The following PDGFD variants were observed in gnomAD, a reference collection of about 807,000 sequenced individuals.
The protein encoded by PDGFD is platelet derived growth factor D.
In PDGFD, 30 loss-of-function variants were observed where a neutral mutation model predicts 44.7. The ratio of observed to expected loss-of-function variants is 0.67; its 90% CI spans 0.50 to 0.91. PDGFD has a LOEUF of 0.91. Ranked by LOEUF, PDGFD falls within the 40% of genes least tolerant of loss-of-function variation. The pLI is 0.00. For missense variants in PDGFD, 445 were observed against 457.8 expected (o/e 0.97, Z 0.25); for synonymous variants, 173 against 168.4 (o/e 1.03, Z -0.21).
Position 104,164,058 on chromosome 11 carries a change from C to T in PDGFD, c.-131G>A, listed in dbSNP as rs1489999047. 9.7e-7 allele frequency: 1 copy of T among 1,028,532 alleles called. No homozygotes were observed. The highest frequency in any genetic ancestry group is 1.6e-5 in the African/African-American group (1 of 61,366). The allele number at this position is 1,028,532 out of a possible 1,614,324, so 63.7% of individuals were successfully genotyped here. A position where few individuals can be genotyped will look rare whatever the true frequency, so the allele number is the denominator to read the frequency against. ...CGCTGGCCCGGGTCGCTGTGCTAAT[C>T]GCCGAGCTCTCCCCAAACTTCCTGC... On this transcript the variant is annotated 5_prime_UTR_variant, in exon 1 of 7. Transcript: ENST00000393158.
chr11:104,163,469 G>C (rs1862417414), intron 1 of PDGFD, among the ~76,000 whole-genome samples: 2 of 152,098 alleles, frequency 1.3e-5, no homozygotes, highest in African/African-American at 2.4e-5. Flanking sequence ...CTGACCAAGG[G>C]GCGGCGCAGC....
intron 3 of PDGFD, among the ~76,000 whole-genome samples, chr11:103,965,180 A>T (rs1251037550): frequency 1.3e-5 from 2 of 152,154 alleles, no homozygotes; most frequent in South Asian, 2.1e-4. Flanking sequence ...TCTGCATTTG[A>T]CGTGAGAAGC....
intron 1 of PDGFD, among the ~76,000 whole-genome samples, chr11:104,105,737 G>A (rs556058946): frequency 6.6e-6 from 1 of 151,862 alleles, no homozygotes; most frequent in African/African-American, 2.4e-5. Flanking sequence ...GGAGATAAAG[G>A]AAACTGACAA....
chr11:103,981,564 C>A (rs1859273444), intron 3 of PDGFD, among the ~76,000 whole-genome samples: 1 of 151,712 alleles, frequency 6.6e-6, no homozygotes, highest in Non-Finnish European at 1.5e-5. Flanking sequence ...TCCCATTTTA[C>A]AAATGATGAA....
intron 5 of PDGFD, among the ~76,000 whole-genome samples, chr11:103,937,993 G>C (rs940425506): frequency 2.0e-5 from 3 of 150,942 alleles, no homozygotes; most frequent in Non-Finnish European, 4.4e-5. Flanking sequence ...TTGCTATTGT[G>C]AATAGTGCTG....
At chr11:104,008,505 C>A (rs1278276898) in intron 1 of PDGFD, among the ~76,000 whole-genome samples, 2 of 151,844 alleles carry the variant, frequency 1.3e-5, no homozygotes, top group African/African-American at 4.8e-5. Flanking sequence ...GAAAAGTGTC[C>A]CAGGCACATA....
At chr11:104,077,456 A>G (rs1860975841) in intron 1 of PDGFD, among the ~76,000 whole-genome samples, 1 of 152,200 alleles carries the variant, frequency 6.6e-6, no homozygotes, top group African/African-American at 2.4e-5. Context: ...TCTCCTCAAA[A>G]AGAACAGCAG....
intron 1 of PDGFD, among the ~76,000 whole-genome samples, chr11:104,088,092 A>C (rs1460159464): frequency 1.3e-5 from 2 of 152,166 alleles, no homozygotes; most frequent in East Asian, 3.8e-4. Flanking sequence ...CAATTACATC[A>C]CACTAATAAA....
chr11:103,963,661 T>C (rs1858973901), intron 3 of PDGFD, among the ~76,000 whole-genome samples: 1 of 152,182 alleles, frequency 6.6e-6, no homozygotes, highest in Non-Finnish European at 1.5e-5. Flanking sequence ...TATATAACAG[T>C]ACTTTACTGG....
intron 1 of PDGFD, among the ~76,000 whole-genome samples, chr11:104,051,873 A>G (rs1198745837): frequency 2.0e-5 from 3 of 152,240 alleles, no homozygotes; most frequent in African/African-American, 7.2e-5. Context: ...AAATTTATAT[A>G]ACATAAAATC....
chr11:104,061,873 GT>G (rs1860722706), intron 1 of PDGFD, among the ~76,000 whole-genome samples: 1 of 152,196 alleles, frequency 6.6e-6, no homozygotes, highest in Non-Finnish European at 1.5e-5. Flanking sequence ...CTCCCAAAAT[GT>G]TGAGATTACA....
chr11:104,100,293 T>C (rs1861355220), intron 1 of PDGFD, among the ~76,000 whole-genome samples: 1 of 151,880 alleles, frequency 6.6e-6, no homozygotes, highest in Non-Finnish European at 1.5e-5. Flanking sequence ...TCACCACCAA[T>C]CCCACAGAAA....
chr11:104,037,889 C>T (rs771787838), intron 1 of PDGFD: 9 of 1,614,142 alleles, frequency 5.6e-6, no homozygotes, highest in Admixed American at 1.7e-5. Flanking sequence ...ACCACTGGCA[C>T]GCAGACTTAT....
intron 1 of PDGFD, among the ~76,000 whole-genome samples, chr11:104,019,897 C>T (rs1859923974): frequency 6.6e-6 from 1 of 152,160 alleles, no homozygotes; most frequent in Non-Finnish European, 1.5e-5. Context: ...ACCTAATCTA[C>T]ATGTCACTTC....
At chr11:104,101,985 C>T (rs1159941627) in intron 1 of PDGFD, among the ~76,000 whole-genome samples, 11 of 152,000 alleles carry the variant, frequency 7.2e-5, no homozygotes, top group African/African-American at 2.2e-4. Context: ...TAGAAGAAAA[C>T]CTAGGCAATA....
intron 5 of PDGFD, among the ~76,000 whole-genome samples, 190 bp downstream of exon 5, chr11:103,943,262 C>A (rs1440956378): frequency 6.6e-6 from 1 of 152,104 alleles, no homozygotes; most frequent in Non-Finnish European, 1.5e-5. Flanking sequence ...CTCACTGGAA[C>A]ATTTTGGAGT....
At chr11:104,115,830 A>G (rs1304795730) in intron 1 of PDGFD, among the ~76,000 whole-genome samples, 1 of 151,834 alleles carries the variant, frequency 6.6e-6, no homozygotes, top group African/African-American at 2.4e-5. Flanking sequence ...CCATTTGTAT[A>G]TCTTCTTTTG....
chr11:104,045,736 G>C (rs260813), intron 1 of PDGFD, among the ~76,000 whole-genome samples: 91,721 of 145,794 alleles, frequency 0.63, 32,541 homozygotes, highest in Admixed American at 0.74. Flanking sequence ...AATGATGTTA[G>C]TTTCACATTT....
intron 5 of PDGFD, among the ~76,000 whole-genome samples, chr11:103,940,339 C>T (rs890150215): frequency 2.6e-5 from 4 of 152,070 alleles, no homozygotes; most frequent in African/African-American, 4.8e-5. Flanking sequence ...GAATCCTGCT[C>T]TTTGCAATCA....
Sources: allele counts gnomAD v4.1 joint callset (sites outside exome capture counted in the v4.1 genomes callset), GRCh38; gene constraint gnomAD v4.1.1; transcripts MANE v1.5; gene names NCBI Gene and HGNC (gene_info 2026-07-23, HGNC 2026-07-21).